WFDC1: variants seen among roughly 807,000 people sequenced by gnomAD.
WFDC1 encodes the protein WAP four-disulfide core domain 1.
A neutral mutation model predicts 32.9 loss-of-function variants in WFDC1; 39 were observed. The observed-to-expected ratio is 1.19, with a 90% CI of 0.92 to 1.55. WFDC1 has a LOEUF of 1.55. Among genes scored for constraint, WFDC1 ranks in the 40% most tolerant of loss-of-function variants. WFDC1 has a pLI of 0.00. For synonymous variants in WFDC1, 184 were observed against 137.4 expected, an observed-to-expected ratio of 1.34 and a Z score of -2.37; for missense variants, 386 against 309.5, an observed-to-expected ratio of 1.25 and a Z score of -1.85.
chr16:84,311,513 C>T (rs1410773953), intron 1 of WFDC1, among the ~76,000 whole-genome samples: 1 of 146,546 alleles, frequency 6.8e-6, no homozygotes, highest in Non-Finnish European at 1.5e-5. Context: ...CAGGTGTGAG[C>T]CACTGCGCCT....
At chr16:84,304,507 T>G (rs1238196666) in intron 1 of WFDC1, among the ~76,000 whole-genome samples, 1 of 151,914 alleles carries the variant, frequency 6.6e-6, no homozygotes, top group Non-Finnish European at 1.5e-5. Flanking sequence ...GGATTATAGG[T>G]GTGAGCCACC....
In WFDC1 at chr16:84,320,730, C is replaced by T. The variant is rs552332386; in HGVS notation, c.562+1159C>T. On this transcript the variant is annotated intron_variant, in intron 4 of 6. Transcript: ENST00000219454. ...CAGTGTCAGTCAGACTGAGACCACA[C>T]CCAGGGGCCCCTGTCCCCGCTTCGG... is the stretch of plus-strand genomic sequence containing the variant. Among the ~76,000 whole-genome samples the T allele has an allele frequency of 2.4e-4, 37 of 152,290 alleles. No homozygotes were observed. In the South Asian group the frequency reaches 7.0e-3, roughly 29 times the overall value.
Position 84,318,299 on chromosome 16 carries a change from C to T in WFDC1, c.365C>T (p.Pro122Leu), listed in dbSNP as rs754321384. Residue 122 changes from proline (P) to leucine (L), a missense_variant, in exon 3 of 7, where the codon CCT becomes CTT. Coordinates refer to ENST00000219454, the MANE Select transcript of WFDC1 (RefSeq NM_021197.4). Reference sequence around the variant, plus strand: ...TTAGACTGGCTGGTGCAGCCGAAACCTCGATGGCTTGGTGGCAATGGCTGG... The same window carrying T: ...TTAGACTGGCTGGTGCAGCCGAAACTTCGATGGCTTGGTGGCAATGGCTGG... Reference protein sequence around the residue: ...PVLDWLVQPKPRWLGGNGWLL... With the variant: ...PVLDWLVQPKLRWLGGNGWLL... 6.8e-6 allele frequency: 11 copies of T among 1,614,054 alleles called. No homozygotes were observed. The highest frequency in any genetic ancestry group is 1.3e-5 in the African/African-American group (1 of 74,948).
At chr16:84,310,008 T>A (rs1907517577) in intron 1 of WFDC1, among the ~76,000 whole-genome samples, 1 of 152,148 alleles carries the variant, frequency 6.6e-6, no homozygotes, top group South Asian at 2.1e-4. Flanking sequence ...AAGACCCTTT[T>A]TCCTTTGCAT....
chr16:84,319,466 C>A lies in WFDC1; in HGVS notation c.457C>A (p.Pro153Thr). ...ACSTTEDGAE[P>T]LLCPSGYECH... Reference sequence around the variant, plus strand: ...CAGCACCACGGAGGATGGGGCCGAACCCCTGCTCTGTCCCTCGGGCTATGA... The same window carrying A: ...CAGCACCACGGAGGATGGGGCCGAAACCCTGCTCTGTCCCTCGGGCTATGA... The change falls in exon 4 of 7, where the codon CCC becomes ACC. Residue 153 changes from proline (P) to threonine (T), a missense_variant. By Grantham distance (38) the Pro-to-Thr change is conservative. Transcript: ENST00000219454. 1.9e-6 allele frequency: 3 copies of A among 1,612,068 alleles called. No individual in the cohort carries two copies. The highest frequency in any genetic ancestry group is 1.3e-5 in the African/African-American group (1 of 74,998).
chr16:84,306,879 A>G (rs1264480988), intron 1 of WFDC1, among the ~76,000 whole-genome samples: 2 of 152,194 alleles, frequency 1.3e-5, no homozygotes, highest in Admixed American at 6.5e-5. Context: ...GTAAGAACAA[A>G]ACCAAGTTCC....
intron 1 of WFDC1, among the ~76,000 whole-genome samples, chr16:84,300,759 C>A (rs554983331): frequency 6.6e-6 from 1 of 152,134 alleles, no homozygotes; most frequent in Non-Finnish European, 1.5e-5. Flanking sequence ...CACCCGAGGT[C>A]AGGAGTTCGA....
chr16:84,297,388 C>T (rs532087312), intron 1 of WFDC1, among the ~76,000 whole-genome samples: 25 of 152,164 alleles, frequency 1.6e-4, no homozygotes, highest in East Asian at 5.8e-4. Context: ...GAGGCCGAGG[C>T]GGGTGGATCA....
At chr16:84,320,430 A>G (rs1269950600) in intron 4 of WFDC1, among the ~76,000 whole-genome samples, 3 of 152,240 alleles carry the variant, frequency 2.0e-5, no homozygotes, top group African/African-American at 7.2e-5. Context: ...AACTTCTGCC[A>G]GGACTGTTCA....
At chr16:84,318,699 G>C (rs1908109521) in intron 3 of WFDC1, 1 of 234,698 alleles carries the variant, frequency 4.3e-6, no homozygotes, top group African/African-American at 2.2e-5. Flanking sequence ...CCTGGGGGTG[G>C]GGGAGGTACC....
chr16:84,319,344 G>A (rs928336141), intron 3 of WFDC1, 87 bp from the exon 4 acceptor site: 47 of 1,543,948 alleles, frequency 3.0e-5, no homozygotes, highest in Admixed American at 5.3e-5. Context: ...CCCTGCACCC[G>A]TCCCGGGAGT....
intron 5 of WFDC1, chr16:84,326,509 G>A (rs558159044): frequency 4.5e-6 from 1 of 223,134 alleles, no homozygotes; most frequent in African/African-American, 2.2e-5. Flanking sequence ...CTTAGTCCAG[G>A]TTGTGAGAAA....
In WFDC1 at chr16:84,324,505, A is replaced by G. The variant is rs774277966; in HGVS notation, c.604+45A>G. 2.8e-5 allele frequency: 45 copies of G among 1,597,480 alleles called. No individual in the cohort carries two copies. In the Middle Eastern group the frequency reaches 3.5e-3, roughly 125 times the overall value. Reference sequence around the variant, plus strand: ...TTTCTTTCCAGAGGGCACAAAAAAAAGGCAGTGAAAGTTTCTTATGTGAAG... The same window carrying G: ...TTTCTTTCCAGAGGGCACAAAAAAAGGGCAGTGAAAGTTTCTTATGTGAAG... On this transcript the variant is annotated intron_variant, in intron 5 of 6. Transcript: ENST00000219454.
At chr16:84,316,353 C>G (rs960244397) in intron 2 of WFDC1, 1 of 152,200 alleles carries the variant, frequency 6.6e-6, no homozygotes, top group Non-Finnish European at 1.5e-5. Context: ...TTTTTCTATT[C>G]TCTTTATAAA....
In WFDC1 at chr16:84,328,720, A is replaced by G. The variant is rs560039546; in HGVS notation, c.*16-602A>G. 191 of 152,260 alleles carry G rather than the reference A, an allele frequency of 1.3e-3. 1 individual carries two copies. The highest frequency in any genetic ancestry group is 4.4e-3 in the African/African-American group (183 of 41,554). 9.4% of individuals were successfully genotyped at this position (152,260 alleles called of 1,614,324 possible). A position where few individuals can be genotyped will look rare whatever the true frequency, so the allele number is the denominator to read the frequency against. The stretch of plus-strand genomic sequence containing the variant: ...AACATTTTGGGAGACCGAAGCAGGC[A>G]TATGGTATAATCCCAGGAGTTCAAG... On this transcript the variant is annotated intron_variant, in intron 6 of 6. Coordinates refer to ENST00000219454, the MANE Select transcript of WFDC1 (RefSeq NM_021197.4).
At chr16:84,306,341 C>T (rs898897570) in intron 1 of WFDC1, among the ~76,000 whole-genome samples, 1 of 152,176 alleles carries the variant, frequency 6.6e-6, no homozygotes, top group African/African-American at 2.4e-5. Context: ...TGGGATATGG[C>T]TCCTAAGTTC....
chr16:84,302,472 C>A (rs1474149099), intron 1 of WFDC1, among the ~76,000 whole-genome samples: 2 of 152,234 alleles, frequency 1.3e-5, no homozygotes, highest in Admixed American at 1.3e-4. Flanking sequence ...CCTCTGTGTC[C>A]CCAGCACCGA....
chr16:84,325,129 A>G (rs537374433), intron 5 of WFDC1, among the ~76,000 whole-genome samples: 1 of 150,214 alleles, frequency 6.7e-6, no homozygotes, highest in South Asian at 2.1e-4. Flanking sequence ...TTACCTATTC[A>G]CCAATCATCC....
rs1268503514 is a variant in WFDC1 at position 84,318,306 on chromosome 16, G to C, written c.372G>C (p.Trp124Cys). The C allele has an allele frequency of 1.2e-6, 2 of 1,614,160 alleles. No individual in the cohort carries two copies. Among genetic ancestry groups the C allele is most frequent in the African/African-American group, 1.3e-5 (1 of 75,056 alleles). Residue 124 changes from tryptophan to cysteine, a missense_variant, in exon 3 of 7, where the codon TGG becomes TGC. By Grantham distance (215) the Trp-to-Cys change is radical. Coordinates refer to ENST00000219454, the MANE Select transcript of WFDC1 (RefSeq NM_021197.4). ...GGCTGGTGCAGCCGAAACCTCGATG[G>C]CTTGGTGGCAATGGCTGGCTCCTGG... The part of the protein sequence containing the change: ...LDWLVQPKPR[W>C]LGGNGWLLDG...
Sources: gnomAD v4.1 joint callset for allele counts (sites outside exome capture counted in the v4.1 genomes callset) on GRCh38, gnomAD v4.1.1 for gene constraint, MANE v1.5 for transcripts, NCBI Gene and HGNC (gene_info 2026-07-23, HGNC 2026-07-21) for gene names.